Variants in MAP7D2 observed in about 807,000 individuals in gnomAD.
The protein encoded by MAP7D2 is MAP7 domain-containing protein 2.
A neutral mutation model predicts 63.5 loss-of-function variants in MAP7D2; 33 were observed. The observed-to-expected ratio is 0.52, with a 90% CI of 0.39 to 0.70. The LOEUF is 0.70. Ranked by LOEUF, MAP7D2 falls within the 30% of genes least tolerant of loss-of-function variation. The pLI, the probability that MAP7D2 is intolerant of heterozygous loss-of-function variation, is 0.00. For missense variants in MAP7D2, 626 were observed against 604.0 expected (o/e 1.04, Z -0.38); for synonymous variants, 224 against 223.7 (o/e 1.00, Z -0.01).
chrX:20,098,802 C>T (rs995423575), intron 1 of MAP7D2, among the ~76,000 whole-genome samples: 5 of 112,498 alleles, frequency 4.4e-5, no homozygotes, highest in African/African-American at 1.6e-4. Flanking sequence ...GGGGACAGTT[C>T]TCAGCATGAA....
intron 10 of MAP7D2, among the ~76,000 whole-genome samples, chrX:20,021,123 G>A (rs1023856752): frequency 6.2e-5 from 7 of 112,303 alleles, no homozygotes; most frequent in East Asian, 5.6e-4. Flanking sequence ...TGGACCCGGC[G>A]TCTAAGGTTT....
In MAP7D2 at chrX:20,056,675, C is replaced by T. The variant is rs1417826582; in HGVS notation, c.484+5G>A. ...CCTGAAATACAGGGGCAACCCTACA[C>T]TCACCATCATGTCCTCCGGGTCCAA... On this transcript the variant is annotated splice_donor_5th_base_variant and intron_variant, in intron 4 of 16. Transcript: ENST00000379643. The T allele has an allele frequency of 1.7e-6, 2 of 1,202,455 alleles. No individual in the cohort carries two copies. The highest frequency in any genetic ancestry group is 1.8e-5 in the South Asian group (1 of 56,606).
intron 1 of MAP7D2, among the ~76,000 whole-genome samples, chrX:20,104,653 C>CA (rs2066521869): frequency 8.9e-6 from 1 of 112,044 alleles, no homozygotes; most frequent in South Asian, 3.7e-4. Flanking sequence ...ATAACTACAA[C>CA]TGCTTAAAAA....
At chrX:20,072,703 C>T (rs1356460353) in intron 1 of MAP7D2, among the ~76,000 whole-genome samples, 1 of 111,860 alleles carries the variant, frequency 8.9e-6, no homozygotes, top group Non-Finnish European at 1.9e-5. Context: ...CACAGACACA[C>T]ACAAAAATAA....
At chrX:20,112,322 C>G (rs1042909653) in intron 1 of MAP7D2, among the ~76,000 whole-genome samples, 1 of 112,144 alleles carries the variant, frequency 8.9e-6, no homozygotes, top group Admixed American at 9.4e-5. Flanking sequence ...GCCTCAAATG[C>G]TTTGCATGCA....
chrX:20,027,788 GAGAC>G (rs1291969091), intron 8 of MAP7D2, among the ~76,000 whole-genome samples: 16 of 103,037 alleles, frequency 1.6e-4, no homozygotes, highest in African/African-American at 5.2e-4. Flanking sequence ...GAGAGAGAGA[GAGAC>G]AGAGACAGAC....
chrX:20,058,313 C>T (rs1232245176), intron 3 of MAP7D2, among the ~76,000 whole-genome samples: 5 of 112,503 alleles, frequency 4.4e-5, no homozygotes, highest in East Asian at 2.8e-4. Flanking sequence ...TTTCATTATA[C>T]GGTTTAACGT....
At chrX:20,099,928 G>A (rs1382692156) in intron 1 of MAP7D2, among the ~76,000 whole-genome samples, 1 of 111,859 alleles carries the variant, frequency 8.9e-6, no homozygotes, top group African/African-American at 3.2e-5. Flanking sequence ...AGACAACAGT[G>A]TGCAGAAGGT....
chrX:20,114,685 C>T (rs142942201), intron 1 of MAP7D2, among the ~76,000 whole-genome samples: 3,024 of 112,191 alleles, frequency 0.027, 97 homozygotes, highest in African/African-American at 0.092. Flanking sequence ...CCAGGAAAAC[C>T]ACTTGCCAAC....
At chrX:20,086,568 C>A (rs759591811) in intron 1 of MAP7D2, among the ~76,000 whole-genome samples, 2 of 111,254 alleles carry the variant, frequency 1.8e-5, no homozygotes, top group Non-Finnish European at 3.8e-5. Flanking sequence ...CGGAAATGTG[C>A]AGAAATAGGA....
chrX:20,090,355 C>T (rs2066034331), intron 1 of MAP7D2, among the ~76,000 whole-genome samples: 1 of 46,457 alleles, frequency 2.2e-5, no homozygotes, highest in African/African-American at 1.1e-4. Context: ...CAGAGTGAGA[C>T]TCTGTCTCAA....
rs763545843 is a variant in MAP7D2, at chrX:20,068,393, C to T, written c.131-3588G>A. Among the ~76,000 whole-genome samples, 6 of 112,127 alleles carry T rather than the reference C, an allele frequency of 5.4e-5. No individual in the cohort carries two copies. The South Asian group carries it at 1.9e-3, about 35-fold the overall frequency. ...GTGGATAAGGAAGTCTGAGTTCAGT[C>T]GGGATTGAGATTTACTGGATGAGTA... On this transcript the variant is annotated intron_variant, in intron 1 of 16. Coordinates refer to ENST00000379643, the MANE Select transcript of MAP7D2 (RefSeq NM_001168465.2).
chrX:20,051,555 AC>A (rs2064950184), intron 5 of MAP7D2, among the ~76,000 whole-genome samples: 3 of 108,626 alleles, frequency 2.8e-5, no homozygotes, highest in Admixed American at 2.0e-4. Context: ...CAAAAAAAAA[AC>A]AAACAAAAAA....
intron 1 of MAP7D2, among the ~76,000 whole-genome samples, chrX:20,114,141 C>T (rs2066825943): frequency 8.9e-6 from 1 of 112,251 alleles, no homozygotes; most frequent in African/African-American, 3.2e-5. Flanking sequence ...TCAAGCGATC[C>T]TATGCCTCAG....
intron 1 of MAP7D2, among the ~76,000 whole-genome samples, chrX:20,074,566 C>T (rs2065597419): frequency 8.9e-6 from 1 of 111,842 alleles, no homozygotes; most frequent in South Asian, 3.7e-4. Context: ...GGTCACTAAA[C>T]TTCCCATTTA....
At chrX:20,079,821 C>A (rs781206963) in intron 1 of MAP7D2, among the ~76,000 whole-genome samples, 1 of 110,798 alleles carries the variant, frequency 9.0e-6, no homozygotes, top group South Asian at 3.9e-4. Context: ...ACCACTGGGC[C>A]CCAAATCCTG....
chrX:20,089,736 T>C (rs1468557863), intron 1 of MAP7D2, among the ~76,000 whole-genome samples: 1 of 112,639 alleles, frequency 8.9e-6, no homozygotes, highest in Non-Finnish European at 1.9e-5. Context: ...CAATTAGAAA[T>C]ACATATTTAC....
chrX:20,104,738 T>A (rs917101913), intron 1 of MAP7D2, among the ~76,000 whole-genome samples: 1 of 111,875 alleles, frequency 8.9e-6, no homozygotes, highest in African/African-American at 3.3e-5. Flanking sequence ...AGGGGAAAAA[T>A]TACCCAGGTA....
At chrX:20,087,758 A>G in intron 1 of MAP7D2, among the ~76,000 whole-genome samples, 1 of 111,238 alleles carries the variant, frequency 9.0e-6, no homozygotes, top group Non-Finnish European at 1.9e-5. Context: ...TCTGCTAACC[A>G]TCATGGTCTA....
Sources: allele counts gnomAD v4.1 joint callset (sites outside exome capture counted in the v4.1 genomes callset), GRCh38; gene constraint gnomAD v4.1.1; transcripts MANE v1.5; gene names NCBI Gene and HGNC (gene_info 2026-07-23, HGNC 2026-07-21).